The following NCOR1 variants were observed in gnomAD, a reference collection of about 807,000 sequenced individuals.
NCOR1 encodes the protein protein phosphatase 1, regulatory subunit 109.
A neutral mutation model predicts 288.1 loss-of-function variants in NCOR1; 63 were observed. The ratio of observed to expected loss-of-function variants is 0.22; its 90% confidence interval spans 0.18 to 0.27. The LOEUF (loss-of-function observed/expected upper bound fraction) is 0.27, where lower values mean the gene tolerates loss of function less well. Ranked by LOEUF, NCOR1 falls within the 10% of genes least tolerant of loss-of-function variation. The pLI, the probability that NCOR1 is intolerant of heterozygous loss-of-function variation, is 1.00. For synonymous variants in NCOR1, 1,007 were observed against 1,065.9 expected (o/e 0.94, Z 1.08); for missense variants, 2,397 against 3,019.2 (o/e 0.79, Z 4.83).
At chr17:16,195,064 A>C (rs1168199140) in intron 1 of NCOR1, among the ~76,000 whole-genome samples, 7 of 152,228 alleles carry the variant, frequency 4.6e-5, no homozygotes, top group Non-Finnish European at 8.8e-5. Context: ...GTCTTTATTA[A>C]ATAATTCTGA....
At chr17:16,114,513 CT>C (rs1221498761) in intron 18 of NCOR1, among the ~76,000 whole-genome samples, 3 of 152,188 alleles carry the variant, frequency 2.0e-5, no homozygotes, top group African/African-American at 7.2e-5. Flanking sequence ...GTCCCTTCCC[CT>C]ATGAGCCTGT....
At chr17:16,086,885 C>T (rs1010227447) in intron 22 of NCOR1, among the ~76,000 whole-genome samples, 1 of 152,212 alleles carries the variant, frequency 6.6e-6, no homozygotes, top group Non-Finnish European at 1.5e-5. Context: ...TCTCACAGAA[C>T]ACTTGAATTT....
At chr17:16,090,016 T>C (rs763892617) in intron 22 of NCOR1, among the ~76,000 whole-genome samples, 22 of 152,120 alleles carry the variant, frequency 1.4e-4, no homozygotes, top group Admixed American at 3.3e-4. Context: ...GATGACTGAA[T>C]TATGATTAAA....
intron 26 of NCOR1, among the ~76,000 whole-genome samples, chr17:16,079,738 C>A (rs929961887): frequency 6.6e-5 from 10 of 152,054 alleles, no homozygotes; most frequent in Admixed American, 3.3e-4. Context: ...TTCCAGTTTG[C>A]AAATAAGTGA....
Position 16,127,117 on chromosome 17 carries a change from ATATATCTGTATGTATATATACATG to A in NCOR1, c.1510-935_1510-912del, listed in dbSNP as rs1568189137. Among the ~76,000 whole-genome samples the A allele has an allele frequency of 1.1e-3, 161 of 143,004 alleles. 2 individuals are homozygous for A. Among genetic ancestry groups the A allele is most frequent in the African/African-American group, 3.3e-3 (118 of 35,912 alleles). 93.8% of individuals were successfully genotyped at this position (143,004 alleles called of 152,430 possible). On this transcript the variant is annotated intron_variant, in intron 14 of 45. Transcript: ENST00000268712. ...ATCATAGGTGTGTGTGTGTATATGT[ATATATCTGTATGTATATATACATG>A]TATGTATATATCTGTATGTATATAT...
In NCOR1 at chr17:16,065,701, G is replaced by T. The variant is rs1709466302; in HGVS notation, c.4742-7C>A. On this transcript the variant is annotated splice_region_variant and splice_polypyrimidine_tract_variant and intron_variant, in intron 32 of 45. Transcript: ENST00000268712. ...AACAGGTAAGCAGCCGCTGCTGATT[G>T]AGAGAATGAAAGAAAGGCACTGAGT... is the stretch of plus-strand genomic sequence containing the variant. 1.9e-6 allele frequency: 3 copies of T among 1,613,604 alleles called. No individual in the cohort carries two copies. Among genetic ancestry groups the T allele is most frequent in the South Asian group, 2.2e-5 (2 of 91,026 alleles).
At chr17:16,099,638 T>C (rs1377407505) in intron 20 of NCOR1, among the ~76,000 whole-genome samples, 1 of 152,160 alleles carries the variant, frequency 6.6e-6, no homozygotes, top group Non-Finnish European at 1.5e-5. Context: ...AAACCAACAG[T>C]GCAAAACACA....
chr17:16,054,967 C>A (rs1047319423), intron 40 of NCOR1, among the ~76,000 whole-genome samples: 1 of 152,004 alleles, frequency 6.6e-6, no homozygotes, highest in Admixed American at 6.6e-5. Flanking sequence ...CCAATCAAAA[C>A]CAAAATGAGA....
At position 16,034,764 on chromosome 17, in the gene NCOR1, C is replaced by T; in HGVS notation, c.7135+1G>A. 4 of 1,609,172 alleles carry T rather than the reference C, an allele frequency of 2.5e-6. No individual in the cohort carries two copies. The highest frequency in any genetic ancestry group is 1.1e-5 in the South Asian group (1 of 90,516). ...TTTCTAAGTTAAAGCAGAATCCTTACCTGTTGAAGAGGGCCTGTCTTCCCA... is the reference window on the plus strand; with the variant it reads ...TTTCTAAGTTAAAGCAGAATCCTTATCTGTTGAAGAGGGCCTGTCTTCCCA... On this transcript the variant is annotated splice_donor_variant, in intron 45 of 45. Transcript: ENST00000268712. LOFTEE classifies it high-confidence loss of function.
At chr17:16,119,399 GAA>G (rs778956543) in intron 17 of NCOR1, 22 bp downstream of exon 17, 1 of 1,567,096 alleles carries the variant, frequency 6.4e-7, no homozygotes, top group South Asian at 1.2e-5. Flanking sequence ...AAAAACCTGA[GAA>G]ACCAGAACTA....
intron 23 of NCOR1, among the ~76,000 whole-genome samples, chr17:16,083,188 G>A (rs1315920106): frequency 3.3e-5 from 5 of 151,188 alleles, no homozygotes; most frequent in Non-Finnish European, 4.4e-5. Context: ...AGCCGAGATC[G>A]TGTCACTGCA....
At chr17:16,034,966 A>C (rs1412431062) in intron 44 of NCOR1, 22 bp from the exon 45 acceptor site, 2 of 1,611,212 alleles carry the variant, frequency 1.2e-6, no homozygotes, top group Non-Finnish European at 1.7e-6. Context: ...ATTCAAGTTA[A>C]AGTATTAATA....
chr17:16,087,180 A>G, intron 22 of NCOR1: 5 of 1,303,808 alleles, frequency 3.8e-6, no homozygotes, highest in Non-Finnish European at 5.1e-6. Flanking sequence ...ACCTGGCGGG[A>G]CACTATAGCG....
chr17:16,120,799 A>C (rs544305317), intron 16 of NCOR1, among the ~76,000 whole-genome samples: 7 of 152,190 alleles, frequency 4.6e-5, no homozygotes, highest in Non-Finnish European at 1.0e-4. Flanking sequence ...AAAAATGGTA[A>C]TTATTAGAAA....
At chr17:16,082,103 G>A (rs1332047974) in intron 23 of NCOR1, among the ~76,000 whole-genome samples, 1 of 151,952 alleles carries the variant, frequency 6.6e-6, no homozygotes, top group Non-Finnish European at 1.5e-5. Flanking sequence ...GACTTCAGTG[G>A]CTACACACAA....
intron 19 of NCOR1, chr17:16,108,349 GTT>G: frequency 1.9e-5 from 4 of 211,674 alleles, no homozygotes; most frequent in South Asian, 5.5e-5. Context: ...TAAGTTTCGT[GTT>G]TTTTTTTTCT....
chr17:16,146,398 CTCTT>C lies in NCOR1; in HGVS notation c.1056_1059del (p.Arg353AsnfsTer49). The C allele has an allele frequency of 1.2e-6, 2 of 1,608,748 alleles. No homozygotes were observed. The highest frequency in any genetic ancestry group is 1.7e-6 in the Non-Finnish European group (2 of 1,178,554). On this transcript the variant is annotated frameshift_variant, in exon 10 of 46. Transcript: ENST00000268712. LOFTEE classifies it high-confidence loss of function. ...CACCGCTGAAATCTTTCTTGCTGTT[CTCTT>C]TGTTTTCGAATTTCTGGAAACTGCT...
chr17:16,156,408 C>T (rs954730015), intron 6 of NCOR1, among the ~76,000 whole-genome samples: 5 of 148,624 alleles, frequency 3.4e-5, no homozygotes, highest in African/African-American at 1.2e-4. Context: ...AGCACTCCAA[C>T]CTCGGGGACG....
rs535059133 is a variant in NCOR1, at chr17:16,030,667, A to G, written c.*1629T>C. ...AAAGTTTATGTTGGGGACCTCAGGT[A>G]TACAGGAGTGGAACAGGGACAGGAG... is the stretch of plus-strand genomic sequence containing the variant. On this transcript the variant is annotated 3_prime_UTR_variant, in exon 46 of 46. Coordinates refer to ENST00000268712, the MANE Select transcript of NCOR1 (RefSeq NM_006311.4). 6.6e-5 allele frequency: 12 copies of G among 180,532 alleles called. No individual in the cohort carries two copies. The East Asian group carries it at 1.0e-3, about 15-fold the overall frequency. The allele number at this position is 180,532 out of a possible 1,614,324, so 11.2% of individuals were successfully genotyped here.
Sources: gnomAD v4.1 joint callset for allele counts (sites outside exome capture counted in the v4.1 genomes callset) on GRCh38, gnomAD v4.1.1 for gene constraint, MANE v1.5 for transcripts, NCBI Gene and HGNC (gene_info 2026-07-23, HGNC 2026-07-21) for gene names.